Variants in ZNF516 observed in about 807,000 individuals in gnomAD.
The protein encoded by ZNF516 is zinc finger protein 516.
ZNF516 carries 19 observed loss-of-function variants against 79.7 expected under a neutral mutation model. The ratio of observed to expected loss-of-function variants is 0.24; its 90% CI spans 0.17 to 0.35. ZNF516 has a LOEUF of 0.35. Ranked by LOEUF, ZNF516 falls within the 10% of genes least tolerant of loss-of-function variation. The pLI is 1.00. For synonymous variants in ZNF516, 877 were observed against 739.5 expected (o/e 1.19, Z -3.02); for missense variants, 1,678 against 1,679.5 (o/e 1.00, Z 0.02).
intron 3 of ZNF516, among the ~76,000 whole-genome samples, chr18:76,416,942 G>A (rs1241088468): frequency 3.9e-5 from 6 of 151,960 alleles, no homozygotes; most frequent in Non-Finnish European, 7.4e-5. Context: ...AAAAAAAAAC[G>A]AATGCAGAAA....
At position 76,441,377 on chromosome 18, in the gene ZNF516, T is replaced by A; in HGVS notation, c.1678A>T (p.Ser560Cys). Reference protein sequence around the residue: ...RAARARCGSLSEGDSASQPSS... With the variant: ...RAARARCGSLCEGDSASQPSS... Reference sequence around the variant, plus strand: ...GGCTGGGAGGCCGAGTCACCCTCACTGAGTGATCCGCAGCGGGCCCGCGCC... The same window carrying A: ...GGCTGGGAGGCCGAGTCACCCTCACAGAGTGATCCGCAGCGGGCCCGCGCC... The change falls in exon 3 of 7, where the codon AGT becomes TGT. Residue 560 changes from serine (S) to cysteine (C), a missense_variant. Physicochemically the swap from Ser to Cys is moderately radical, Grantham distance 112 (BLOSUM62 -1). Around this residue, in one of 5 missense-constraint regions of ZNF516, gnomAD observed 1,294 missense variants for 1,248.3 expected, o/e 1.04. Transcript: ENST00000443185. 6.2e-7 allele frequency: 1 copy of A among 1,610,710 alleles called. No individual in the cohort carries two copies. Among genetic ancestry groups the A allele is most frequent in the Non-Finnish European group, 8.5e-7 (1 of 1,179,040 alleles).
chr18:76,372,885 A>C (rs1329777430), intron 4 of ZNF516: 1 of 152,318 alleles, frequency 6.6e-6, no homozygotes, highest in Non-Finnish European at 1.5e-5. Flanking sequence ...GCGGCGGCTC[A>C]CGCCTGTAAT....
intron 3 of ZNF516, among the ~76,000 whole-genome samples, chr18:76,401,985 A>ATGTGTGTACGCGCGTGTGTACACGTT (rs529302434): frequency 6.6e-6 from 1 of 151,958 alleles, no homozygotes; most frequent in African/African-American, 2.4e-5. Flanking sequence ...GCCTATGTGC[A>ATGTGTGTACGCGCGTGTGTACACGTT]TGTGTGTACG....
At chr18:76,475,971 C>A (rs1467705227) in intron 1 of ZNF516, among the ~76,000 whole-genome samples, 2 of 152,164 alleles carry the variant, frequency 1.3e-5, no homozygotes, top group African/African-American at 4.8e-5. Context: ...ATAAAATAAA[C>A]TTACTCTCAT....
intron 1 of ZNF516, among the ~76,000 whole-genome samples, chr18:76,485,517 C>T (rs537556954): frequency 4.6e-5 from 7 of 152,230 alleles, no homozygotes; most frequent in South Asian, 2.1e-4. Context: ...TTACTTCTTT[C>T]GTAAAACAGA....
At chr18:76,378,375 A>T (rs2074821397) in intron 4 of ZNF516, 1 of 153,446 alleles carries the variant, frequency 6.5e-6, no homozygotes, top group African/African-American at 2.4e-5. Flanking sequence ...TTAGAGGACT[A>T]ATTAGGTGTT....
intron 3 of ZNF516, among the ~76,000 whole-genome samples, chr18:76,434,681 G>A (rs546659169): frequency 1.4e-4 from 22 of 152,344 alleles, no homozygotes; most frequent in East Asian, 3.9e-4. Context: ...AATCTGAGCC[G>A]TCCTGGGACT....
chr18:76,415,034 C>T (rs1025103148), intron 3 of ZNF516, among the ~76,000 whole-genome samples: 1 of 152,184 alleles, frequency 6.6e-6, no homozygotes, highest in Non-Finnish European at 1.5e-5. Context: ...CCCATTTCTA[C>T]TAAAAATACA....
chr18:76,390,612 A>C (rs1456834296), intron 3 of ZNF516, among the ~76,000 whole-genome samples: 1 of 152,194 alleles, frequency 6.6e-6, no homozygotes, highest in East Asian at 1.9e-4. Context: ...ACCACCCACA[A>C]GTCTCCAAGT....
intron 3 of ZNF516, among the ~76,000 whole-genome samples, chr18:76,391,008 C>A (rs900043651): frequency 6.6e-6 from 1 of 152,142 alleles, no homozygotes; most frequent in Non-Finnish European, 1.5e-5. Flanking sequence ...CTCATTGACA[C>A]TGGCAGGTGT....
intron 3 of ZNF516, among the ~76,000 whole-genome samples, chr18:76,425,317 G>A (rs2075579247): frequency 6.6e-6 from 1 of 152,180 alleles, no homozygotes; most frequent in African/African-American, 2.4e-5. Flanking sequence ...ACAGGACACA[G>A]AATTCCCAAA....
chr18:76,400,840 A>C (rs2075209816), intron 3 of ZNF516, among the ~76,000 whole-genome samples: 1 of 152,198 alleles, frequency 6.6e-6, no homozygotes, highest in Non-Finnish European at 1.5e-5. Flanking sequence ...TTACTTAAAA[A>C]TTTCAGCAAC....
chr18:76,369,868 ACT>A (rs1474682263), intron 6 of ZNF516, among the ~76,000 whole-genome samples: 1 of 152,086 alleles, frequency 6.6e-6, no homozygotes, highest in Non-Finnish European at 1.5e-5. Flanking sequence ...GAAAATACAT[ACT>A]CTCAGCCTGA....
chr18:76,471,289 T>C (rs1193244674), intron 1 of ZNF516, among the ~76,000 whole-genome samples: 7 of 151,460 alleles, frequency 4.6e-5, no homozygotes, highest in Non-Finnish European at 8.8e-5. Flanking sequence ...TTCAGGGACT[T>C]TTCTGCCTTA....
intron 2 of ZNF516, among the ~76,000 whole-genome samples, chr18:76,445,602 A>T (rs977272436): frequency 6.6e-6 from 1 of 152,242 alleles, no homozygotes; most frequent in Non-Finnish European, 1.5e-5. Flanking sequence ...ATACGTTTAC[A>T]GGGAAGAAAA....
intron 3 of ZNF516, among the ~76,000 whole-genome samples, chr18:76,413,819 C>A (rs1259159752): frequency 1.3e-5 from 2 of 152,144 alleles, no homozygotes; most frequent in Admixed American, 1.3e-4. Flanking sequence ...AAAATCTTCA[C>A]GAAACCTCAT....
chr18:76,380,120 T>C lies in ZNF516; in HGVS notation c.1994A>G (p.Glu665Gly), dbSNP rs780146213. Residue 665 changes from glutamate (E) to glycine (G), a missense_variant, in exon 4 of 7, where the codon GAG becomes GGG. By Grantham distance (98) the Glu-to-Gly change is moderately conservative. Around this residue, in one of 5 missense-constraint regions of ZNF516, gnomAD observed 1,294 missense variants for 1,248.3 expected, o/e 1.04. Coordinates refer to ENST00000443185, the MANE Select transcript of ZNF516 (RefSeq NM_014643.4). ...TAAGTCCATAGAAAATCTGTGCTGC[T>C]CTTGCCTTCTAGAAGTCTCTCTGCT... ...NSSRETSRRQ[E>G]QHRFSMDLKM... 18 of 1,613,840 alleles carry C rather than the reference T, an allele frequency of 1.1e-5. No individual in the cohort carries two copies. The Admixed American group carries it at 3.0e-4, about 27-fold the overall frequency.
rs549396715 is a variant in ZNF516, at chr18:76,474,390, T to C, written c.-271-11249A>G. Among the ~76,000 whole-genome samples the C allele has an allele frequency of 3.3e-3, 497 of 152,226 alleles. 3 individuals carry two copies. Among genetic ancestry groups the C allele is most frequent in the African/African-American group, 0.011 (473 of 41,542 alleles). ...AGTACAGGTCCCAGGAGCTCCATAA[T>C]ACAGTACCATGACACTAAAAATTAA... On this transcript the variant is annotated intron_variant, in intron 1 of 6. Coordinates refer to ENST00000443185, the MANE Select transcript of ZNF516 (RefSeq NM_014643.4).
intron 1 of ZNF516, chr18:76,490,749 A>C: frequency 1.0e-6 from 1 of 985,052 alleles, no homozygotes; most frequent in South Asian, 4.7e-5. Context: ...ATGTGTAAGT[A>C]GGATCCCCAC....
Sources: gnomAD v4.1 joint callset for allele counts (sites outside exome capture counted in the v4.1 genomes callset) on GRCh38, gnomAD v4.1.1 for gene constraint, gnomAD v4.1.1 regional missense constraint, MANE v1.5 for transcripts, NCBI Gene and HGNC (gene_info 2026-07-23, HGNC 2026-07-21) for gene names.